AUTS2: variants seen among roughly 807,000 people sequenced by gnomAD.
The protein encoded by AUTS2 is activator of transcription and developmental regulator AUTS2.
Under a neutral mutation model 112.4 loss-of-function variants are expected in AUTS2, and 17 were observed. The ratio of observed to expected loss-of-function variants is 0.15; its 90% CI spans 0.10 to 0.23. The LOEUF (loss-of-function observed/expected upper bound fraction) is 0.23. AUTS2 is among the 10% of genes least tolerant of loss of function. The pLI is 1.00. For synonymous variants in AUTS2, 751 were observed against 702.7 expected, an observed-to-expected ratio of 1.07 and a Z score of -1.09; for missense variants, 1,510 against 1,701.6, an observed-to-expected ratio of 0.89 and a Z score of 1.98.
chr7:69,715,028 C>T (rs1483702108), intron 1 of AUTS2, among the ~76,000 whole-genome samples: 2 of 151,812 alleles, frequency 1.3e-5, no homozygotes, highest in South Asian at 2.1e-4. Context: ...TATCTTTGGT[C>T]GTGTTCCTGC....
At chr7:70,659,843 A>G (rs138231069) in intron 5 of AUTS2, among the ~76,000 whole-genome samples, 444 of 152,284 alleles carry the variant, frequency 2.9e-3, no homozygotes, top group Non-Finnish European at 5.0e-3. Context: ...GAGAGAGTGC[A>G]TGCACATAAA....
In AUTS2 at chr7:70,605,546, C is replaced by CTTTTTTTT; in HGVS notation, c.691-93010_691-93003dup. Among the ~76,000 whole-genome samples the CTTTTTTTT allele has an allele frequency of 8.4e-4, 59 of 70,656 alleles. 1 individual carries two copies. The highest frequency in any genetic ancestry group is 1.7e-3 in the African/African-American group (26 of 15,138). The allele number at this position is 70,656 out of a possible 152,430, so 46.4% of individuals were successfully genotyped here. On this transcript the variant is annotated intron_variant, in intron 5 of 18. Coordinates refer to ENST00000342771, the MANE Select transcript of AUTS2 (RefSeq NM_015570.4). ...TTTCTTTCTTTCTTTCCTTCTTTCT[C>CTTTTTTTT]TTTTTTTTTTTTTTTTTTTTGGTCT...
chr7:70,785,920 C>T, intron 16 of AUTS2, 35 bp from the exon 17 acceptor site: 1 of 1,606,110 alleles, frequency 6.2e-7, no homozygotes, highest in East Asian at 2.2e-5. Flanking sequence ...CAGCAGAGCC[C>T]CTGACCATTT....
chr7:70,165,034 G>GA (rs1235604292), intron 4 of AUTS2, among the ~76,000 whole-genome samples: 2 of 151,932 alleles, frequency 1.3e-5, no homozygotes, highest in East Asian at 3.9e-4. Flanking sequence ...GTAAGAGTCA[G>GA]AAAAAAATGC....
At chr7:70,204,770 C>G (rs557827876) in intron 4 of AUTS2, among the ~76,000 whole-genome samples, 54 of 152,208 alleles carry the variant, frequency 3.5e-4, no homozygotes, top group African/African-American at 1.3e-3. Context: ...ATGAAATTTT[C>G]CTGATCTTAG....
At chr7:70,552,841 C>A (rs554018081) in intron 5 of AUTS2, among the ~76,000 whole-genome samples, 2 of 152,254 alleles carry the variant, frequency 1.3e-5, no homozygotes, top group Middle Eastern at 3.4e-3. Context: ...TCAAAGCAAC[C>A]CCCATGGTAC....
intron 4 of AUTS2, among the ~76,000 whole-genome samples, chr7:70,207,907 A>G (rs1422849923): frequency 1.4e-5 from 2 of 146,042 alleles, no homozygotes; most frequent in African/African-American, 5.0e-5. Flanking sequence ...GATACTTGGG[A>G]GGCTGAGGCA....
intron 5 of AUTS2, among the ~76,000 whole-genome samples, chr7:70,526,406 T>C (rs766432177): frequency 5.9e-5 from 9 of 152,168 alleles, no homozygotes; most frequent in Non-Finnish European, 1.0e-4. Flanking sequence ...GTGCGGTGGC[T>C]TACACCTGTA....
intron 1 of AUTS2, among the ~76,000 whole-genome samples, chr7:69,630,230 C>G (rs1794166949): frequency 6.6e-6 from 1 of 152,128 alleles, no homozygotes; most frequent in Non-Finnish European, 1.5e-5. Flanking sequence ...TCACTCCAGC[C>G]TAGGTGACAG....
rs1791095054 is a variant in AUTS2 at position 70,781,705 on chromosome 7, A to C, written c.2095A>C (p.Ile699Leu). 1.2e-6 allele frequency: 2 copies of C among 1,614,190 alleles called. No homozygotes were observed. The highest frequency in any genetic ancestry group is 1.7e-6 in the Non-Finnish European group (2 of 1,180,030). ...TCCAGGCCCCAGTCTTTTTGGAGCC[A>C]TCCACCACCCCCATGACCTGGCACG... The part of the protein sequence containing the change: ...RPPGPSLFGA[I>L]HHPHDLARPS... The change falls in exon 15 of 19, where the codon ATC (isoleucine) becomes CTC (leucine). Residue 699 changes from isoleucine to leucine, a missense_variant. This residue lies in a region of AUTS2 where 187 missense variants were observed against 309.7 expected (regional missense o/e 0.60). Transcript: ENST00000342771.
At chr7:70,732,918 T>C (rs1787516563) in intron 6 of AUTS2, among the ~76,000 whole-genome samples, 1 of 152,172 alleles carries the variant, frequency 6.6e-6, no homozygotes, top group Non-Finnish European at 1.5e-5. Flanking sequence ...GTGATCTCCA[T>C]TTTGTCCACA....
At chr7:70,525,644 T>C (rs147179057) in intron 5 of AUTS2, among the ~76,000 whole-genome samples, 15 of 152,108 alleles carry the variant, frequency 9.9e-5, no homozygotes, top group African/African-American at 3.6e-4. Context: ...AACAAAAGGA[T>C]CTTGACTTTT....
intron 1 of AUTS2, among the ~76,000 whole-genome samples, chr7:69,714,699 C>A (rs892411871): frequency 1.3e-5 from 2 of 151,964 alleles, no homozygotes; most frequent in East Asian, 3.8e-4. Context: ...GTTCCTTTAC[C>A]TTTCCATAGA....
intron 6 of AUTS2, among the ~76,000 whole-genome samples, chr7:70,744,765 C>G (rs531182067): frequency 6.6e-6 from 1 of 152,184 alleles, no homozygotes; most frequent in Non-Finnish European, 1.5e-5. Context: ...CTGACTGACA[C>G]GTGAGCCCCC....
At chr7:70,454,783 C>T (rs79427011) in intron 5 of AUTS2, among the ~76,000 whole-genome samples, 2,369 of 152,266 alleles carry the variant, frequency 0.016, 81 homozygotes, top group African/African-American at 0.054. Flanking sequence ...TCTGAAGGTG[C>T]AGACCTCATC....
At chr7:70,507,183 C>G (rs1798998475) in intron 5 of AUTS2, among the ~76,000 whole-genome samples, 4 of 152,188 alleles carry the variant, frequency 2.6e-5, no homozygotes, top group Admixed American at 2.6e-4. Flanking sequence ...TGCGTATTCC[C>G]TCTTGCAAGA....
At chr7:69,820,527 AG>A (rs1790943628) in intron 1 of AUTS2, among the ~76,000 whole-genome samples, 1 of 152,220 alleles carries the variant, frequency 6.6e-6, no homozygotes, top group Admixed American at 6.5e-5. Flanking sequence ...CATCAGTTCC[AG>A]GGGGAATAAA....
At chr7:70,620,158 T>C (rs951075798) in intron 5 of AUTS2, among the ~76,000 whole-genome samples, 1 of 152,104 alleles carries the variant, frequency 6.6e-6, no homozygotes, top group African/African-American at 2.4e-5. Flanking sequence ...CCTTAGCACA[T>C]AGCACTGGTA....
intron 6 of AUTS2, among the ~76,000 whole-genome samples, chr7:70,748,640 G>A (rs539996578): frequency 6.4e-4 from 97 of 152,304 alleles, no homozygotes; most frequent in Admixed American, 2.5e-3. Flanking sequence ...CCGCGTTCTG[G>A]AAAAGTGAAG....
Sources: gnomAD v4.1 joint callset for allele counts (sites outside exome capture counted in the v4.1 genomes callset) on GRCh38, gnomAD v4.1.1 for gene constraint, gnomAD v4.1.1 regional missense constraint, MANE v1.5 for transcripts, NCBI Gene and HGNC (gene_info 2026-07-23, HGNC 2026-07-21) for gene names.